CTNNBL1: variants seen among roughly 807,000 people sequenced by gnomAD.
CTNNBL1 encodes the protein catenin beta like 1.
Under a neutral mutation model 72.7 loss-of-function variants are expected in CTNNBL1, and 31 were observed. The observed-to-expected ratio is 0.43, with a 90% CI of 0.32 to 0.58. The LOEUF (loss-of-function observed/expected upper bound fraction) is 0.58, where lower values mean the gene tolerates loss of function less well. Among genes scored for constraint, CTNNBL1 ranks in the 20% least tolerant of loss-of-function variants. The pLI is 0.08. For missense variants in CTNNBL1, 534 were observed against 725.1 expected, an observed-to-expected ratio of 0.74 and a Z score of 3.03; for synonymous variants, 240 against 267.3, an observed-to-expected ratio of 0.90 and a Z score of 1.00.
At chr20:37,864,929 T>A (rs2072524774) in intron 15 of CTNNBL1, among the ~76,000 whole-genome samples, 2 of 152,262 alleles carry the variant, frequency 1.3e-5, no homozygotes, top group Middle Eastern at 3.4e-3. Flanking sequence ...TGTCATTACC[T>A]CTGGTCCTCA....
At chr20:37,755,525 A>G (rs1225678272) in intron 4 of CTNNBL1, among the ~76,000 whole-genome samples, 1 of 152,186 alleles carries the variant, frequency 6.6e-6, no homozygotes, top group Non-Finnish European at 1.5e-5. Context: ...GGTAAATATC[A>G]CCTTTAAGAG....
intron 10 of CTNNBL1, among the ~76,000 whole-genome samples, chr20:37,790,032 G>T (rs1265305285): frequency 6.6e-6 from 1 of 152,160 alleles, no homozygotes; most frequent in Non-Finnish European, 1.5e-5. Flanking sequence ...TCTGTTCCAG[G>T]AACCACCAGT....
chr20:37,825,590 G>A (rs1344617431), intron 11 of CTNNBL1, among the ~76,000 whole-genome samples: 1 of 152,146 alleles, frequency 6.6e-6, no homozygotes, highest in East Asian at 1.9e-4. Context: ...CAGGAGAATT[G>A]CTTGAACCCA....
At chr20:37,760,609 A>G (rs955609032) in intron 5 of CTNNBL1, among the ~76,000 whole-genome samples, 9 of 152,362 alleles carry the variant, frequency 5.9e-5, no homozygotes, top group African/African-American at 2.2e-4. Context: ...TCCTTGGGAA[A>G]GTTACTAACC....
At position 37,732,957 on chromosome 20, in the gene CTNNBL1, G is replaced by A; in HGVS notation, c.109G>A (p.Glu37Lys). ...GCGTCGGAAACAAACTGGTACTCGAGAACGCGGCCGCTATCGGGAAGAAGA... is the reference window on the plus strand; with the variant it reads ...GCGTCGGAAACAAACTGGTACTCGAAAACGCGGCCGCTATCGGGAAGAAGA... ...KMRRKQTGTRERGRYREEEMT... is the reference protein window; with the variant it reads ...KMRRKQTGTRKRGRYREEEMT... Residue 37 changes from glutamate to lysine, a missense_variant, in exon 2 of 16, where the codon GAA becomes AAA. Physicochemically the swap from Glu to Lys is moderately conservative, Grantham distance 56. Transcript: ENST00000361383. The A allele has an allele frequency of 6.2e-7, 1 of 1,614,112 alleles. No homozygotes were observed. The highest frequency in any genetic ancestry group is 1.3e-5 in the African/African-American group (1 of 75,036).
intron 1 of CTNNBL1, among the ~76,000 whole-genome samples, chr20:37,697,476 A>G (rs1162060826): frequency 2.0e-5 from 3 of 152,190 alleles, no homozygotes; most frequent in South Asian, 4.1e-4. Context: ...GACCAGAAAG[A>G]GGATCTATGT....
At chr20:37,795,475 A>T (rs944729785) in intron 10 of CTNNBL1, among the ~76,000 whole-genome samples, 1 of 152,170 alleles carries the variant, frequency 6.6e-6, no homozygotes, top group Non-Finnish European at 1.5e-5. Flanking sequence ...ATATGATTCC[A>T]TGTATATTAG....
chr20:37,804,698 G>T (rs2071937399), intron 11 of CTNNBL1, among the ~76,000 whole-genome samples: 1 of 152,214 alleles, frequency 6.6e-6, no homozygotes. Context: ...GCTGCATCTT[G>T]AGTGTGCTGG....
chr20:37,872,076 C>CAGAGTTGTGTAGA lies in CTNNBL1; in HGVS notation c.*64_*65insGAGTTGTGTAGAA. ...TTCCCTCCCAGGATCAGTTTCTACA[C>CAGAGTTGTGTAGA]AACTCTGTGTGGCTTTTGGACAAAT... On this transcript the variant is annotated 3_prime_UTR_variant, in exon 16 of 16. Coordinates refer to ENST00000361383, the MANE Select transcript of CTNNBL1 (RefSeq NM_030877.5). 5.0e-6 allele frequency: 7 copies of CAGAGTTGTGTAGA among 1,393,000 alleles called. No homozygotes were observed. Among genetic ancestry groups the CAGAGTTGTGTAGA allele is most frequent in the Non-Finnish European group, 7.1e-6 (7 of 979,382 alleles). 86.3% of individuals were successfully genotyped at this position (1,393,000 alleles called of 1,614,324 possible). A position where few individuals can be genotyped will look rare whatever the true frequency, so the allele number is the denominator to read the frequency against.
rs533988192 is a variant in CTNNBL1 at position 37,814,415 on chromosome 20, T to A, written c.1213+11367T>A. Among the ~76,000 whole-genome samples, 225 of 152,300 alleles carry A rather than the reference T, an allele frequency of 1.5e-3. 1 individual carries two copies. Among genetic ancestry groups the A allele is most frequent in the African/African-American group, 5.3e-3 (219 of 41,560 alleles). On this transcript the variant is annotated intron_variant, in intron 11 of 15. Coordinates refer to ENST00000361383, the MANE Select transcript of CTNNBL1 (RefSeq NM_030877.5). ...CAGACCTATCTATCTACCCACTGTA[T>A]CCACTCTTCTCATGGTTTTCCATAC...
intron 10 of CTNNBL1, among the ~76,000 whole-genome samples, chr20:37,795,606 G>A (rs1002040203): frequency 3.3e-5 from 5 of 152,044 alleles, no homozygotes; most frequent in Non-Finnish European, 7.4e-5. Flanking sequence ...TCAGTCTTTC[G>A]TTTCTTCTGC....
At chr20:37,799,726 C>T (rs1221214513) in intron 10 of CTNNBL1, among the ~76,000 whole-genome samples, 2 of 152,184 alleles carry the variant, frequency 1.3e-5, no homozygotes, top group Admixed American at 1.3e-4. Flanking sequence ...AAGACATATG[C>T]TCAATAGTAT....
At chr20:37,870,076 T>C (rs1159698021) in intron 15 of CTNNBL1, among the ~76,000 whole-genome samples, 1 of 148,984 alleles carries the variant, frequency 6.7e-6, no homozygotes, top group Non-Finnish European at 1.5e-5. Context: ...AAAAAAGAAA[T>C]GGCGTCTTAA....
intron 1 of CTNNBL1, among the ~76,000 whole-genome samples, chr20:37,696,954 G>T (rs1346639916): frequency 6.6e-6 from 1 of 151,968 alleles, no homozygotes; most frequent in Non-Finnish European, 1.5e-5. Context: ...GGCTGAGGCG[G>T]GTGGGTCACC....
chr20:37,860,018 C>T lies in CTNNBL1; in HGVS notation c.1512C>T (p.Cys504=). Residue 504 remains cysteine (C), a synonymous_variant, in exon 14 of 16, where the codon TGC becomes TGT. Transcript: ENST00000361383. ...QHICYIMAEI[C]NANVPQIRQR... is the part of the protein sequence containing the mutation. ...TCTGCTACATCATGGCCGAGATCTG[C>T]AATGCCAATGTCCCCCAGGTAGGAG... 6.2e-7 allele frequency: 1 copy of T among 1,614,212 alleles called. No homozygotes were observed. The highest frequency in any genetic ancestry group is 8.5e-7 in the Non-Finnish European group (1 of 1,180,032).
intron 10 of CTNNBL1, among the ~76,000 whole-genome samples, chr20:37,795,940 A>G (rs1005844787): frequency 6.8e-6 from 1 of 147,932 alleles, no homozygotes; most frequent in Non-Finnish European, 1.5e-5. Flanking sequence ...ATTTCTGTAA[A>G]TGTTCTGGAG....
intron 15 of CTNNBL1, among the ~76,000 whole-genome samples, chr20:37,862,226 C>T (rs1231895363): frequency 6.6e-6 from 1 of 152,156 alleles, no homozygotes; most frequent in African/African-American, 2.4e-5. Context: ...ATTTTGCCTC[C>T]TCCCTAAGGT....
At chr20:37,825,686 G>C (rs868418683) in intron 11 of CTNNBL1, among the ~76,000 whole-genome samples, 1 of 152,068 alleles carries the variant, frequency 6.6e-6, no homozygotes, top group African/African-American at 2.4e-5. Context: ...AAAAAAAAAA[G>C]TAGTAAGAGA....
intron 1 of CTNNBL1, among the ~76,000 whole-genome samples, chr20:37,708,934 C>T (rs967326314): frequency 1.3e-5 from 2 of 152,042 alleles, no homozygotes; most frequent in African/African-American, 2.4e-5. Context: ...GTCAAGAGAT[C>T]GAGACCATCC....
Sources: gnomAD v4.1 joint callset for allele counts (sites outside exome capture counted in the v4.1 genomes callset) on GRCh38, gnomAD v4.1.1 for gene constraint, MANE v1.5 for transcripts, NCBI Gene and HGNC (gene_info 2026-07-23, HGNC 2026-07-21) for gene names.